Variants in ITGA3 observed in about 807,000 individuals in gnomAD.
The protein encoded by ITGA3 is integrin subunit alpha 3.
In ITGA3, 70 loss-of-function variants were observed where a neutral mutation model predicts 131.1. The ratio of observed to expected loss-of-function variants is 0.53; its 90% CI spans 0.44 to 0.65. The LOEUF (loss-of-function observed/expected upper bound fraction) is 0.65. Among genes scored for constraint, ITGA3 ranks in the 30% least tolerant of loss-of-function variants. The pLI, the probability that ITGA3 is intolerant of heterozygous loss-of-function variation, is 0.00. For missense variants in ITGA3, 1,098 were observed against 1,388.6 expected (o/e 0.79, Z 3.33); for synonymous variants, 537 against 571.6 (o/e 0.94, Z 0.86).
At chr17:50,071,673 A>C (rs1908638685) in intron 6 of ITGA3, 155 bp downstream of exon 6, 1 of 701,400 alleles carries the variant, frequency 1.4e-6, no homozygotes, top group Admixed American at 2.9e-5. Context: ...GAGTCTGAGC[A>C]CCTGCACATG....
intron 23 of ITGA3, among the ~76,000 whole-genome samples, chr17:50,082,217 C>T (rs991125277): frequency 3.3e-5 from 5 of 152,044 alleles, no homozygotes; most frequent in African/African-American, 1.2e-4. Flanking sequence ...GATGGAGCCT[C>T]ACTCTGTGGC....
intron 1 of ITGA3, among the ~76,000 whole-genome samples, chr17:50,058,032 C>G (rs949423633): frequency 6.6e-6 from 1 of 152,272 alleles, no homozygotes; most frequent in Admixed American, 6.5e-5. Flanking sequence ...CTCTTTCTGC[C>G]CTAACTGAGA....
At position 50,089,173 on chromosome 17, in the gene ITGA3, C is replaced by A; in HGVS notation, c.*95C>A. On this transcript the variant is annotated 3_prime_UTR_variant, in exon 26 of 26. Transcript: ENST00000320031. Reference sequence around the variant, plus strand: ...GCCCAAGTACCACGCAGTGCGGATCCGGGAGGAGGAGCGCTACCCACCTCC... The same window carrying A: ...GCCCAAGTACCACGCAGTGCGGATCAGGGAGGAGGAGCGCTACCCACCTCC... 1 of 1,613,402 alleles carries A rather than the reference C, an allele frequency of 6.2e-7. No individual in the cohort carries two copies. The highest frequency in any genetic ancestry group is 1.1e-5 in the South Asian group (1 of 91,056).
At chr17:50,080,413 C>A in intron 22 of ITGA3, 38 bp downstream of exon 22, 1 of 1,292,506 alleles carries the variant, frequency 7.7e-7, no homozygotes, top group Admixed American at 1.8e-5. Context: ...CTACCATCCA[C>A]CCTGAGGGGG....
intron 19 of ITGA3, 49 bp downstream of exon 19, chr17:50,078,975 T>G (rs1293587401): frequency 5.9e-6 from 9 of 1,529,532 alleles, no homozygotes; most frequent in Non-Finnish European, 8.2e-6. Flanking sequence ...GGAAGGATTA[T>G]TTTTATTTTC....
rs775439891 is a variant in ITGA3 at position 50,076,555 on chromosome 17, C to G, written c.1825-29C>G. The G allele has an allele frequency of 1.9e-6, 3 of 1,607,758 alleles. No individual in the cohort carries two copies. In the South Asian group the frequency reaches 3.3e-5, roughly 18 times the overall value. ...CGAGAGGGCACTGGGGGGGGTGGTG[C>G]GGCCTTCACACCTCCGGCCACCCCC... On this transcript the variant is annotated intron_variant, in intron 13 of 25. Transcript: ENST00000320031.
chr17:50,059,756 G>T (rs1290215774), intron 1 of ITGA3, among the ~76,000 whole-genome samples: 1 of 152,218 alleles, frequency 6.6e-6, no homozygotes, highest in African/African-American at 2.4e-5. Context: ...TTTGCAGTAA[G>T]AGGAATTGAG....
chr17:50,056,473 C>T lies in ITGA3; in HGVS notation c.34C>T (p.Pro12Ser), dbSNP rs199862946. The T allele has an allele frequency of 6.5e-7, 1 of 1,547,480 alleles. No homozygotes were observed. Among genetic ancestry groups the T allele is most frequent in the African/African-American group, 1.4e-5 (1 of 72,982 alleles). Residue 12 changes from proline to serine, a missense_variant, in exon 1 of 26, where the codon CCA becomes TCA. This residue lies in a region of ITGA3 where 43 missense variants were observed against 30.3 expected (regional missense o/e 1.42). Transcript: ENST00000320031. The surrounding 1 kb of genome is among the most constrained non-coding windows in gnomAD (Gnocchi z 5.6). ...CGGCCCCAGCCGCGCGCCCCGCGCC[C>T]CACGCCTGATGCTCTGTGCGCTCGC... is the stretch of plus-strand genomic sequence containing the variant. ...GPGPSRAPRA[P>S]RLMLCALALM...
Position 50,064,298 on chromosome 17 carries a change from C to A in ITGA3, c.334+94C>A. The A allele has an allele frequency of 1.4e-6, 2 of 1,463,390 alleles. No individual in the cohort carries two copies. Among genetic ancestry groups the A allele is most frequent in the South Asian group, 2.5e-5 (2 of 81,192 alleles). The allele number at this position is 1,463,390 out of a possible 1,614,324, so 90.7% of individuals were successfully genotyped here. A position where few individuals can be genotyped will look rare whatever the true frequency, so the allele number is the denominator to read the frequency against. ...GCCTGGAGGAGATAGAAGGCTTGTT[C>A]ACACGGCTTCTAGTCGCTTCTTGTC... is the stretch of plus-strand genomic sequence containing the variant. On this transcript the variant is annotated intron_variant, in intron 2 of 25. Transcript: ENST00000320031. This position sits in a 1 kb window ranked among gnomAD's most constrained non-coding sequence, Gnocchi z 4.4.
intron 23 of ITGA3, 146 bp downstream of exon 23, chr17:50,081,554 T>C: frequency 3.1e-6 from 2 of 650,164 alleles, no homozygotes; most frequent in Non-Finnish European, 5.4e-6. Flanking sequence ...TTCTGGTGTC[T>C]GGACTGCACC....
chr17:50,077,176 T>A (rs1196972284), intron 15 of ITGA3, 55 bp downstream of exon 15: 2 of 1,487,418 alleles, frequency 1.3e-6, no homozygotes, highest in Non-Finnish European at 1.8e-6. Context: ...CGTCTTTGCA[T>A]CCCCATATCC....
intron 16 of ITGA3, 54 bp from the exon 17 acceptor site, chr17:50,077,992 T>C: frequency 6.9e-7 from 1 of 1,447,748 alleles, no homozygotes; most frequent in Non-Finnish European, 9.6e-7. Flanking sequence ...CCCCATGACA[T>C]CACCCCCGCC....
Position 50,064,388 on chromosome 17 carries a change from T to C in ITGA3, c.335-140T>C. 1 of 1,120,278 alleles carries C rather than the reference T, an allele frequency of 8.9e-7. No homozygotes were observed. The highest frequency in any genetic ancestry group is 1.5e-5 in the South Asian group (1 of 65,728). The allele number at this position is 1,120,278 out of a possible 1,614,324, so 69.4% of individuals were successfully genotyped here. ...ATGGGATTGGTAGAGCTCAGAATAATGACGAGCTGGAGAAGGGGAGTTGGG... is the reference window on the plus strand; with the variant it reads ...ATGGGATTGGTAGAGCTCAGAATAACGACGAGCTGGAGAAGGGGAGTTGGG... On this transcript the variant is annotated intron_variant, in intron 2 of 25. Coordinates refer to ENST00000320031, the MANE Select transcript of ITGA3 (RefSeq NM_002204.4). The surrounding 1 kb of genome is among the most constrained non-coding windows in gnomAD (Gnocchi z 4.4).
rs534569591 is a variant in ITGA3 at position 50,060,438 on chromosome 17, T to G, written c.207-3639T>G. Reference sequence around the variant, plus strand: ...TTCTCCTGGGTACTGTGCCGCGCCCTTCTTTGATTCTTCTGCTTTCTCCTT... The same window carrying G: ...TTCTCCTGGGTACTGTGCCGCGCCCGTCTTTGATTCTTCTGCTTTCTCCTT... On this transcript the variant is annotated intron_variant, in intron 1 of 25. Coordinates refer to ENST00000320031, the MANE Select transcript of ITGA3 (RefSeq NM_002204.4). 2.6e-5 allele frequency among the ~76,000 whole-genome samples: 4 copies of G among 152,356 alleles called. No homozygotes were observed. The South Asian group carries it at 6.2e-4, about 24-fold the overall frequency.
intron 7 of ITGA3, 68 bp from the exon 8 acceptor site, chr17:50,073,848 A>G: frequency 8.7e-7 from 1 of 1,144,552 alleles, no homozygotes; most frequent in South Asian, 1.2e-5. Context: ...TATGGCCTGG[A>G]GCAAAGAGTT....
chr17:50,089,075 T>C, intron 25 of ITGA3, 35 bp from the exon 26 acceptor site: 1 of 1,586,388 alleles, frequency 6.3e-7, no homozygotes, highest in Non-Finnish European at 8.6e-7. Flanking sequence ...AAACTCTGGA[T>C]GCTAATGTTC....
chr17:50,061,130 G>A (rs1280576809), intron 1 of ITGA3, among the ~76,000 whole-genome samples: 2 of 152,104 alleles, frequency 1.3e-5, no homozygotes, highest in Non-Finnish European at 2.9e-5. Flanking sequence ...AATACTCTGG[G>A]GGGGTGAAGC....
chr17:50,080,981 A>T (rs1243970745), intron 22 of ITGA3: 1 of 304,948 alleles, frequency 3.3e-6, no homozygotes, highest in East Asian at 7.7e-5. Flanking sequence ...CCATAGACAA[A>T]TGAATGGGTG....
chr17:50,073,986 C>T lies in ITGA3; in HGVS notation c.1227C>T (p.Leu409=), dbSNP rs751654002. The change falls in exon 8 of 26, where the codon CTC becomes CTT. Residue 409 remains leucine, a synonymous_variant. Transcript: ENST00000320031. ...TCTATCACAGTAGCTCTAAGGGGCTCCTTAGACAGCCCCAGCAGGTACAGA... is the reference window on the plus strand; with the variant it reads ...TCTATCACAGTAGCTCTAAGGGGCTTCTTAGACAGCCCCAGCAGGTACAGA... ...VYIYHSSSKG[L]LRQPQQVIHG... 1.2e-6 allele frequency: 2 copies of T among 1,613,440 alleles called. No individual in the cohort carries two copies. The highest frequency in any genetic ancestry group is 2.7e-5 in the African/African-American group (2 of 75,010).
Sources: gnomAD v4.1 joint callset for allele counts (sites outside exome capture counted in the v4.1 genomes callset) on GRCh38, gnomAD v4.1.1 for gene constraint, gnomAD v4.1.1 regional missense constraint, Gnocchi (gnomAD v3.1) non-coding constraint, MANE v1.5 for transcripts, NCBI Gene and HGNC (gene_info 2026-07-23, HGNC 2026-07-21) for gene names.